LRMDA: variants seen among roughly 807,000 people sequenced by gnomAD.
LRMDA encodes leucine-rich melanocyte differentiation-associated protein.
In LRMDA, 18 loss-of-function variants were observed where a neutral mutation model predicts 29.8. That is an observed-to-expected ratio of 0.60 (90% CI 0.42 to 0.90). LRMDA has a LOEUF of 0.90. Among genes scored for constraint, LRMDA ranks in the 40% least tolerant of loss-of-function variants. The pLI, the probability that LRMDA is intolerant of heterozygous loss-of-function variation, is 0.00. For synonymous variants in LRMDA, 125 were observed against 109.4 expected, an observed-to-expected ratio of 1.14 and a Z score of -0.89; for missense variants, 273 against 273.9, an observed-to-expected ratio of 1.00 and a Z score of 0.02.
At chr10:76,539,673 T>G (rs540155991) in intron 6 of LRMDA, among the ~76,000 whole-genome samples, 24 of 152,246 alleles carry the variant, frequency 1.6e-4, no homozygotes, top group Non-Finnish European at 2.2e-4. Context: ...TTTCCTGACC[T>G]CCTTCAGTCA....
At chr10:76,551,965 C>T (rs1227807524) in intron 6 of LRMDA, among the ~76,000 whole-genome samples, 4 of 152,132 alleles carry the variant, frequency 2.6e-5, no homozygotes, top group Non-Finnish European at 5.9e-5. Flanking sequence ...TCCCCTGCCT[C>T]CATCCTAGGG....
chr10:75,905,518 G>A (rs1298947203), intron 2 of LRMDA, among the ~76,000 whole-genome samples: 1 of 151,418 alleles, frequency 6.6e-6, no homozygotes, highest in Non-Finnish European at 1.5e-5. Flanking sequence ...TTATATGAAT[G>A]TATGAAATTA....
At chr10:75,437,412 C>T (rs17769639) in intron 1 of LRMDA, among the ~76,000 whole-genome samples, 40,503 of 152,020 alleles carry the variant, frequency 0.27, 7,244 homozygotes, top group Non-Finnish European at 0.4. Flanking sequence ...AGGTTATAGC[C>T]GTGTCTTGGG....
chr10:76,400,517 A>G (rs112131758), intron 6 of LRMDA, among the ~76,000 whole-genome samples: 4 of 152,328 alleles, frequency 2.6e-5, no homozygotes, highest in African/African-American at 9.6e-5. Context: ...TTGCTCAGAA[A>G]TACTCAGTGT....
chr10:75,880,705 G>A (rs754865388), intron 2 of LRMDA, among the ~76,000 whole-genome samples: 1 of 152,198 alleles, frequency 6.6e-6, no homozygotes, highest in South Asian at 2.1e-4. Flanking sequence ...TCAGGAAACC[G>A]GTATTTGCTA....
intron 2 of LRMDA, among the ~76,000 whole-genome samples, chr10:75,468,695 G>A (rs10219047): frequency 0.25 from 38,250 of 151,896 alleles, 5,000 homozygotes; most frequent in African/African-American, 0.32. Context: ...GGGCTGTCGG[G>A]CACAGGATTT....
chr10:75,486,724 GC>G (rs2132057491), intron 2 of LRMDA, among the ~76,000 whole-genome samples: 1 of 152,270 alleles, frequency 6.6e-6, no homozygotes, highest in African/African-American at 2.4e-5. Flanking sequence ...TCCTCCTTGG[GC>G]TTTCTCTCTA....
chr10:76,460,444 C>G (rs1199005708), intron 6 of LRMDA, among the ~76,000 whole-genome samples: 1 of 152,244 alleles, frequency 6.6e-6, no homozygotes, highest in African/African-American at 2.4e-5. Context: ...TGCTGTGTGT[C>G]TGATGATTCC....
chr10:75,556,639 T>G (rs1840216674), intron 2 of LRMDA, among the ~76,000 whole-genome samples: 1 of 152,122 alleles, frequency 6.6e-6, no homozygotes, highest in Non-Finnish European at 1.5e-5. Flanking sequence ...ACATGGCTAT[T>G]TAGCCCCTGA....
Position 76,080,090 on chromosome 10 carries a change from T to C in LRMDA, c.516+21307T>C, listed in dbSNP as rs182039038. Among the ~76,000 whole-genome samples, 9 of 152,274 alleles carry C rather than the reference T, an allele frequency of 5.9e-5. No homozygotes were observed. In the East Asian group the frequency reaches 1.5e-3, roughly 26 times the overall value. On this transcript the variant is annotated intron_variant, in intron 5 of 6. Coordinates refer to ENST00000611255, the MANE Select transcript of LRMDA (RefSeq NM_001305581.2). The stretch of plus-strand genomic sequence containing the variant: ...TCCTCCCTTCCCTTCGAAATAGATA[T>C]GCCTTCATTATTGTTCGCCCAATCT...
intron 2 of LRMDA, among the ~76,000 whole-genome samples, chr10:75,744,894 T>C (rs769556276): frequency 3.9e-5 from 6 of 152,310 alleles, no homozygotes; most frequent in Non-Finnish European, 5.9e-5. Flanking sequence ...ATACCTAAAC[T>C]ATCTCCCTGC....
intron 2 of LRMDA, among the ~76,000 whole-genome samples, chr10:75,803,162 C>T (rs1305295220): frequency 6.6e-6 from 1 of 152,016 alleles, no homozygotes; most frequent in Non-Finnish European, 1.5e-5. Flanking sequence ...AGAGCTGGAC[C>T]CATTTGCATT....
intron 5 of LRMDA, among the ~76,000 whole-genome samples, chr10:76,148,782 C>T (rs1334430481): frequency 6.6e-6 from 1 of 152,150 alleles, no homozygotes; most frequent in Non-Finnish European, 1.5e-5. Context: ...TTCTGTGTTG[C>T]TCACGCTCGG....
intron 5 of LRMDA, among the ~76,000 whole-genome samples, chr10:76,081,210 T>A (rs1849043420): frequency 6.6e-6 from 1 of 152,208 alleles, no homozygotes; most frequent in Non-Finnish European, 1.5e-5. Flanking sequence ...ATGCGGTGAC[T>A]CATGCCTGTA....
intron 6 of LRMDA, among the ~76,000 whole-genome samples, chr10:76,373,390 G>A (rs1411509298): frequency 6.6e-6 from 1 of 152,008 alleles, no homozygotes; most frequent in East Asian, 1.9e-4. Flanking sequence ...TAAAAGATAA[G>A]ATTATAATAA....
At chr10:75,751,007 G>T (rs992124120) in intron 2 of LRMDA, among the ~76,000 whole-genome samples, 8 of 152,202 alleles carry the variant, frequency 5.3e-5, no homozygotes, top group Non-Finnish European at 1.2e-4. Flanking sequence ...TCACGCCACT[G>T]CACTCCAGCC....
intron 2 of LRMDA, among the ~76,000 whole-genome samples, chr10:75,888,193 C>G (rs1424690526): frequency 6.6e-6 from 1 of 152,138 alleles, no homozygotes; most frequent in African/African-American, 2.4e-5. Flanking sequence ...GCCCTGTAGC[C>G]ACAGAGGCCT....
At chr10:75,759,656 C>G (rs1348063963) in intron 2 of LRMDA, among the ~76,000 whole-genome samples, 2 of 152,118 alleles carry the variant, frequency 1.3e-5, no homozygotes, top group Non-Finnish European at 2.9e-5. Context: ...TTAACACTCA[C>G]TTTGTTATGT....
rs566935744 is a variant in LRMDA at position 76,509,096 on chromosome 10, T to A, written c.602-48113T>A. ...ATTTGTTCCATAGTGGATACTCAAATATACGTTGAATTTGAGCTATATTCA... is the reference window on the plus strand; with the variant it reads ...ATTTGTTCCATAGTGGATACTCAAAAATACGTTGAATTTGAGCTATATTCA... On this transcript the variant is annotated intron_variant, in intron 6 of 6. Transcript: ENST00000611255. Among the ~76,000 whole-genome samples, 5 of 152,316 alleles carry A rather than the reference T, an allele frequency of 3.3e-5. No homozygotes were observed. The East Asian group carries it at 9.7e-4, about 29-fold the overall frequency.
Sources: gnomAD v4.1 joint callset for allele counts (sites outside exome capture counted in the v4.1 genomes callset) on GRCh38, gnomAD v4.1.1 for gene constraint, MANE v1.5 for transcripts, NCBI Gene and HGNC (gene_info 2026-07-23, HGNC 2026-07-21) for gene names.